NRXN3: variants seen among roughly 807,000 people sequenced by gnomAD.
NRXN3 encodes the protein neurexin 3.
NRXN3 carries 32 observed loss-of-function variants against 137.6 expected under a neutral mutation model. That is an observed-to-expected ratio of 0.23 (90% CI 0.18 to 0.31). The LOEUF (loss-of-function observed/expected upper bound fraction) is 0.31. Ranked by LOEUF, NRXN3 falls within the 10% of genes least tolerant of loss-of-function variation. The pLI is 1.00. For missense variants in NRXN3, 1,574 were observed against 2,062.5 expected, an observed-to-expected ratio of 0.76 and a Z score of 4.59; for synonymous variants, 798 against 784.5, an observed-to-expected ratio of 1.02 and a Z score of -0.29.
intron 4 of NRXN3, among the ~76,000 whole-genome samples, chr14:78,590,118 G>A (rs2097103584): frequency 6.6e-6 from 1 of 152,174 alleles, no homozygotes; most frequent in African/African-American, 2.4e-5. Flanking sequence ...GGCTATGAAG[G>A]GTCCTCTGCC....
chr14:79,214,013 A>T (rs1260402619), intron 15 of NRXN3, among the ~76,000 whole-genome samples: 1 of 152,240 alleles, frequency 6.6e-6, no homozygotes, highest in African/African-American at 2.4e-5. Context: ...AAAACACTTT[A>T]TAGTTAAGCT....
intron 4 of NRXN3, among the ~76,000 whole-genome samples, chr14:78,320,416 G>C (rs1371056239): frequency 6.6e-6 from 1 of 152,176 alleles, no homozygotes; most frequent in Non-Finnish European, 1.5e-5. Flanking sequence ...AGGAGCCTCT[G>C]GGTCGGGCTT....
chr14:79,030,673 G>T (rs2152489976), intron 15 of NRXN3, among the ~76,000 whole-genome samples: 2 of 53,598 alleles, frequency 3.7e-5, no homozygotes, highest in South Asian at 8.5e-4. Context: ...TTTCATTGTA[G>T]AGGTTCCTAC....
intron 19 of NRXN3, among the ~76,000 whole-genome samples, chr14:79,776,204 C>T (rs975089181): frequency 1.3e-5 from 2 of 152,186 alleles, no homozygotes; most frequent in African/African-American, 4.8e-5. Context: ...GCTTTAATAG[C>T]ATTTATCAAT....
At chr14:79,664,028 T>C in intron 17 of NRXN3, 79 bp downstream of exon 17, 1 of 1,417,102 alleles carries the variant, frequency 7.1e-7, no homozygotes, top group South Asian at 1.2e-5. Flanking sequence ...TTCTCATGAC[T>C]GTCACCAAAT....
chr14:78,253,495 G>A (rs1596395946), intron 2 of NRXN3, among the ~76,000 whole-genome samples: 1 of 152,030 alleles, frequency 6.6e-6, no homozygotes, highest in Non-Finnish European at 1.5e-5. Context: ...GCAACATAGC[G>A]AGACATCATC....
intron 4 of NRXN3, among the ~76,000 whole-genome samples, chr14:78,385,791 C>T (rs2153635746): frequency 6.6e-6 from 1 of 152,288 alleles, no homozygotes; most frequent in South Asian, 2.1e-4. Context: ...GAAGGTAAGA[C>T]ACTCTTTATT....
intron 17 of NRXN3, among the ~76,000 whole-genome samples, chr14:79,686,477 T>C (rs1178238422): frequency 6.6e-6 from 1 of 152,056 alleles, no homozygotes; most frequent in African/African-American, 2.4e-5. Context: ...TCCTAAGAAT[T>C]AAAACAAATC....
At chr14:79,544,445 A>G (rs1175463435) in intron 16 of NRXN3, among the ~76,000 whole-genome samples, 3 of 152,296 alleles carry the variant, frequency 2.0e-5, no homozygotes, top group East Asian at 3.9e-4. Flanking sequence ...CTTCTTAATA[A>G]TGTGCAGTAG....
chr14:78,881,405 G>A (rs1596891054), intron 10 of NRXN3, among the ~76,000 whole-genome samples: 1 of 151,792 alleles, frequency 6.6e-6, no homozygotes, highest in East Asian at 1.9e-4. Context: ...TTGTTGAATG[G>A]CTTTGACCAA....
intron 11 of NRXN3, among the ~76,000 whole-genome samples, chr14:78,959,255 C>T (rs927215962): frequency 3.3e-5 from 5 of 151,806 alleles, no homozygotes; most frequent in African/African-American, 1.2e-4. Context: ...TTAAGCATAT[C>T]AGCTCCTTTA....
intron 15 of NRXN3, among the ~76,000 whole-genome samples, chr14:79,260,028 A>T (rs1270167791): frequency 6.6e-6 from 1 of 152,088 alleles, no homozygotes; most frequent in African/African-American, 2.4e-5. Context: ...GAGCTGATGA[A>T]TTTGCACTAT....
At chr14:79,707,178 G>C (rs572486466) in intron 19 of NRXN3, among the ~76,000 whole-genome samples, 81 of 152,236 alleles carry the variant, frequency 5.3e-4, no homozygotes, top group Non-Finnish European at 9.8e-4. Flanking sequence ...CTCATCATTG[G>C]ACATTTAGAG....
chr14:78,634,467 CA>C (rs1372045543), intron 4 of NRXN3, among the ~76,000 whole-genome samples: 26 of 152,256 alleles, frequency 1.7e-4, no homozygotes, highest in African/African-American at 6.0e-4. Context: ...ATCAAATAAC[CA>C]AAGAATCATT....
intron 16 of NRXN3, among the ~76,000 whole-genome samples, chr14:79,583,222 G>C (rs1434718372): frequency 6.6e-6 from 1 of 152,050 alleles, no homozygotes; most frequent in East Asian, 1.9e-4. Context: ...TCTGAGCCTC[G>C]GGTTTCTCAT....
At chr14:78,414,375 T>A (rs1166049012) in intron 4 of NRXN3, among the ~76,000 whole-genome samples, 3 of 152,204 alleles carry the variant, frequency 2.0e-5, no homozygotes, top group African/African-American at 2.4e-5. Flanking sequence ...TTGTGCACAC[T>A]GTCCTGATCT....
intron 8 of NRXN3, among the ~76,000 whole-genome samples, chr14:78,791,378 C>T (rs1438399845): frequency 1.3e-5 from 2 of 151,966 alleles, no homozygotes; most frequent in Non-Finnish European, 2.9e-5. Context: ...GGGGTACAAC[C>T]CAATGTCATA....
intron 1 of NRXN3, among the ~76,000 whole-genome samples, chr14:78,170,952 C>CTTTT (rs545853025): frequency 7.1e-5 from 9 of 126,206 alleles, no homozygotes; most frequent in South Asian, 2.7e-4. Context: ...TCTTCTTCTT[C>CTTTT]TTTTTTTTTT....
At chr14:79,100,845 C>T (rs1202983951) in intron 15 of NRXN3, among the ~76,000 whole-genome samples, 1 of 152,172 alleles carries the variant, frequency 6.6e-6, no homozygotes, top group African/African-American at 2.4e-5. Context: ...TCCGGTACTT[C>T]TGGGCTCATT....
Sources: gnomAD v4.1 joint callset for allele counts (sites outside exome capture counted in the v4.1 genomes callset) on GRCh38, gnomAD v4.1.1 for gene constraint, MANE v1.5 for transcripts, NCBI Gene and HGNC (gene_info 2026-07-23, HGNC 2026-07-21) for gene names.